PCF11: variants seen among roughly 807,000 people sequenced by gnomAD.
PCF11 encodes pre-mRNA cleavage complex 2 protein Pcf11.
A neutral mutation model predicts 166.1 loss-of-function variants in PCF11; 19 were observed. The ratio of observed to expected loss-of-function variants is 0.11; its 90% CI spans 0.08 to 0.17. The LOEUF is 0.17. PCF11 is among the 10% of genes least tolerant of loss of function. PCF11 has a pLI of 1.00. For missense variants in PCF11, 1,565 were observed against 1,855.5 expected (o/e 0.84, Z 2.88); for synonymous variants, 663 against 644.1 (o/e 1.03, Z -0.44).
exon 11 of PCF11, chr11:83,177,790 T>C (rs779743068): frequency 6.1e-5 from 94 of 1,528,908 alleles, no homozygotes; most frequent in Non-Finnish European, 1.6e-5. Flanking sequence ...TTCCAGATCT[T>C]ACTAATTTTA....
chr11:83,185,359 G>C (rs1466776029), exon 16 of PCF11: 1 of 152,950 alleles, frequency 6.5e-6, no homozygotes, highest in East Asian at 1.9e-4. Flanking sequence ...TTCAAAAGGG[G>C]GTTCCGAGAG....
rs370276004 is a variant in PCF11 at position 83,166,083 on chromosome 11, G to C, written c.1186G>C (p.Asp396His). The C allele has an allele frequency of 6.7e-5, 108 of 1,610,604 alleles. No homozygotes were observed. The highest frequency in any genetic ancestry group is 8.0e-5 in the Non-Finnish European group (94 of 1,178,986). ...AGAATCGGAAAGTATGAGGTTGTCT[G>C]ATATGAACAAGAGAGATCCAAGATT... The change falls in exon 5 of 16, where the codon GAT becomes CAT. Residue 396 changes from aspartate to histidine, a missense_variant. By Grantham distance (81) the Asp-to-His change is moderately conservative. Transcript: ENST00000298281.
rs373735658 is a variant in PCF11 at position 83,183,081 on chromosome 11, C to G, written c.4452+8C>G. ...TATGAAGATTATCAAAATGTAAGTTCTTTTTGGTTACTGTATTTGTTCTCA... is the reference window on the plus strand; with the variant it reads ...TATGAAGATTATCAAAATGTAAGTTGTTTTTGGTTACTGTATTTGTTCTCA... On this transcript the variant is annotated splice_region_variant and intron_variant, in intron 15 of 15. Transcript: ENST00000298281. 18 of 1,451,640 alleles carry G rather than the reference C, an allele frequency of 1.2e-5. No homozygotes were observed. In the East Asian group the frequency reaches 1.4e-4, roughly 11 times the overall value. The allele number at this position is 1,451,640 out of a possible 1,614,324, so 89.9% of individuals were successfully genotyped here.
At chr11:83,176,560 ATCAT>A (rs1860888119) in intron 9 of PCF11, among the ~76,000 whole-genome samples, 1 of 152,190 alleles carries the variant, frequency 6.6e-6, no homozygotes, top group South Asian at 2.1e-4. Flanking sequence ...GCAGGAAACC[ATCAT>A]TCTAAGCAAA....
At chr11:83,166,412 A>C in exon 5 of PCF11, 1 of 1,614,030 alleles carries the variant, frequency 6.2e-7, no homozygotes, top group Non-Finnish European at 8.5e-7. Flanking sequence ...CACCCAAACG[A>C]AGGCAAAGAA....
exon 8 of PCF11, chr11:83,169,650 T>G (rs1207668945): frequency 1.2e-6 from 2 of 1,613,882 alleles, no homozygotes; most frequent in African/African-American, 2.7e-5. Context: ...CATCAAGGTT[T>G]GATATTCCTC....
At chr11:83,169,851 C>T (rs1411299964) in exon 8 of PCF11, 1 of 1,613,408 alleles carries the variant, frequency 6.2e-7, no homozygotes, top group African/African-American at 1.3e-5. Flanking sequence ...GACCACATGG[C>T]CCTGGAAACC....
At chr11:83,182,100 C>T (rs1174701979) in intron 13 of PCF11, 91 bp downstream of exon 13, 4 of 1,014,366 alleles carry the variant, frequency 3.9e-6, no homozygotes, top group African/African-American at 3.3e-5. Flanking sequence ...ATATTTATAT[C>T]CCTGTTTTAA....
exon 16 of PCF11, chr11:83,184,882 C>G (rs764483301): frequency 6.4e-7 from 1 of 1,552,536 alleles, no homozygotes. Context: ...ATGACACAGT[C>G]GAGTCAGTTT....
At chr11:83,163,463 G>A (rs988890635) in intron 2 of PCF11, among the ~76,000 whole-genome samples, 2 of 152,024 alleles carry the variant, frequency 1.3e-5, no homozygotes, top group South Asian at 2.1e-4. Flanking sequence ...AGGCTCACCT[G>A]GTTGGTTGCT....
chr11:83,161,868 C>T (rs1860269252), intron 2 of PCF11, among the ~76,000 whole-genome samples: 1 of 152,064 alleles, frequency 6.6e-6, no homozygotes, highest in Non-Finnish European at 1.5e-5. Flanking sequence ...GTGTCTCAAC[C>T]TGTGATTGGT....
chr11:83,183,457 C>T (rs1474289379), intron 15 of PCF11, among the ~76,000 whole-genome samples: 5 of 152,114 alleles, frequency 3.3e-5, no homozygotes, highest in African/African-American at 1.2e-4. Context: ...TTTTTTCTTA[C>T]ATCTCTATTC....
exon 13 of PCF11, chr11:83,181,894 G>A (rs759339014): frequency 6.2e-6 from 10 of 1,611,202 alleles, no homozygotes; most frequent in African/African-American, 4.0e-5. Context: ...CTGGAAGAAC[G>A]GGCAAAGAGC....
At position 83,173,869 on chromosome 11, in the gene PCF11, T is replaced by C. The variant is rs181472284; in HGVS notation, c.3757+1955T>C. 1.7e-3 allele frequency among the ~76,000 whole-genome samples: 262 copies of C among 151,996 alleles called. 4 individuals are homozygous for C. The highest frequency in any genetic ancestry group is 6.2e-3 in the African/African-American group (257 of 41,468). On this transcript the variant is annotated intron_variant, in intron 9 of 15. Coordinates refer to ENST00000298281, the Ensembl canonical transcript of PCF11. The stretch of plus-strand genomic sequence containing the variant: ...GCTCAGCCTCCCCAGTAGCTGGGAC[T>C]ACAGGCACATGCCACTACACCTGGC...
exon 1 of PCF11, chr11:83,157,184 C>T (rs1860019058): frequency 3.5e-6 from 2 of 574,420 alleles, no homozygotes; most frequent in Non-Finnish European, 6.2e-6. Flanking sequence ...GCCGCCACTG[C>T]CGCCGCCATT....
intron 9 of PCF11, among the ~76,000 whole-genome samples, chr11:83,173,732 T>C (rs917620998): frequency 1.6e-5 from 2 of 126,116 alleles, no homozygotes; most frequent in African/African-American, 6.0e-5. Context: ...TTTTTTTTTT[T>C]TTTTTTTTTT....
intron 11 of PCF11, chr11:83,180,796 A>T (rs1012335450): frequency 2.8e-6 from 1 of 363,180 alleles, no homozygotes; most frequent in Non-Finnish European, 5.0e-6. Context: ...CAATAAGAAG[A>T]CAGGCTCCAT....
intron 7 of PCF11, among the ~76,000 whole-genome samples, chr11:83,168,107 T>C (rs1860537528): frequency 6.6e-6 from 1 of 152,212 alleles, no homozygotes; most frequent in African/African-American, 2.4e-5. Flanking sequence ...TCATTAGGTA[T>C]TTTTTATATG....
chr11:83,168,620 G>A (rs1860559288), exon 8 of PCF11: 12 of 1,613,806 alleles, frequency 7.4e-6, no homozygotes, highest in Non-Finnish European at 1.0e-5. Context: ...TCAGTAGCAA[G>A]AGATGGCCCA....
Sources: gnomAD v4.1 joint callset for allele counts (sites outside exome capture counted in the v4.1 genomes callset) on GRCh38, gnomAD v4.1.1 for gene constraint, MANE v1.5 for transcripts, NCBI Gene and HGNC (gene_info 2026-07-23, HGNC 2026-07-21) for gene names.